The following FOCAD variants were observed in gnomAD, a reference collection of about 807,000 sequenced individuals.
FOCAD encodes focadhesin.
A neutral mutation model predicts 225.6 loss-of-function variants in FOCAD; 198 were observed. That is an observed-to-expected ratio of 0.88 (90% CI 0.78 to 0.99). The LOEUF is 0.99. FOCAD is among the 50% of genes least tolerant of loss of function. The pLI is 0.00. For synonymous variants in FOCAD, 897 were observed against 755.0 expected, an observed-to-expected ratio of 1.19 and a Z score of -3.08; for missense variants, 2,713 against 2,123.6, an observed-to-expected ratio of 1.28 and a Z score of -5.46.
chr9:20,850,687 A>G (rs1241599019), intron 15 of FOCAD, among the ~76,000 whole-genome samples: 2 of 151,652 alleles, frequency 1.3e-5, no homozygotes, highest in East Asian at 1.9e-4. Context: ...CTTTTATCAT[A>G]TATGATTTAA....
intron 15 of FOCAD, among the ~76,000 whole-genome samples, chr9:20,833,634 C>G (rs1034329326): frequency 1.2e-4 from 18 of 152,002 alleles, no homozygotes; most frequent in Non-Finnish European, 4.4e-5. Context: ...CTGCCTGACC[C>G]AAGTAGTCCT....
chr9:20,656,082 C>T (rs576551692), upstream of FOCAD, among the ~76,000 whole-genome samples: 44 of 150,326 alleles, frequency 2.9e-4, no homozygotes, highest in African/African-American at 8.3e-4. Context: ...TGTAGTTGAG[C>T]GGTTTTGAGT....
At chr9:20,663,898 GTTTC>G (rs1018929948) in intron 2 of FOCAD, among the ~76,000 whole-genome samples, 37 of 152,208 alleles carry the variant, frequency 2.4e-4, no homozygotes, top group African/African-American at 8.7e-4. Flanking sequence ...TAGGGATTAT[GTTTC>G]TTTCTATTCT....
At position 20,823,122 on chromosome 9, in the gene FOCAD, AT is replaced by A; in HGVS notation, c.1920+12del. ...TGCACTCTGTCAAGCTGAGGTAGGC[AT>A]TTTTAAATTGCTTTGGATAATTTTG... On this transcript the variant is annotated splice_region_variant and intron_variant, in intron 15 of 43. Coordinates refer to ENST00000338382, the MANE Select transcript of FOCAD (RefSeq NM_001375567.1). 6.2e-7 allele frequency: 1 copy of A among 1,602,946 alleles called. No individual in the cohort carries two copies. The highest frequency in any genetic ancestry group is 8.5e-7 in the Non-Finnish European group (1 of 1,175,850).
intron 6 of FOCAD, among the ~76,000 whole-genome samples, chr9:20,764,245 G>C (rs182351448): frequency 9.2e-5 from 14 of 152,070 alleles, no homozygotes; most frequent in Non-Finnish European, 1.9e-4. Flanking sequence ...TGTAATTCTA[G>C]AAAGGTTGTC....
intron 15 of FOCAD, among the ~76,000 whole-genome samples, chr9:20,856,211 A>G (rs1828165059): frequency 6.6e-6 from 1 of 151,948 alleles, no homozygotes; most frequent in Non-Finnish European, 1.5e-5. Flanking sequence ...TTACATTCCT[A>G]CCAACAGTGT....
intron 11 of FOCAD, among the ~76,000 whole-genome samples, chr9:20,792,240 G>T (rs531914696): frequency 6.6e-6 from 1 of 152,150 alleles, no homozygotes; most frequent in Non-Finnish European, 1.5e-5. Flanking sequence ...AAATACTTAG[G>T]TATCTGAACT....
In FOCAD at chr9:20,882,008, A is replaced by C; in HGVS notation, c.2455A>C (p.Lys819Gln). 6.2e-7 allele frequency: 1 copy of C among 1,613,938 alleles called. No homozygotes were observed. The highest frequency in any genetic ancestry group is 8.5e-7 in the Non-Finnish European group (1 of 1,179,866). The change falls in exon 20 of 44, where the codon AAA becomes CAA. Residue 819 changes from lysine (K) to glutamine (Q), a missense_variant. Physicochemically the swap from Lys to Gln is moderately conservative, Grantham distance 53 (BLOSUM62 1). Coordinates refer to ENST00000338382, the MANE Select transcript of FOCAD (RefSeq NM_001375567.1). ...TVAGIPNFILKMYETNKQPGL... is the reference protein window; with the variant it reads ...TVAGIPNFILQMYETNKQPGL... The stretch of plus-strand genomic sequence containing the variant: ...AGCAGGAATCCCCAATTTTATATTG[A>C]AAATGTATGAAACAAACAAGCAACC...
intron 11 of FOCAD, among the ~76,000 whole-genome samples, chr9:20,793,227 G>A (rs1820719069): frequency 6.6e-6 from 1 of 152,176 alleles, no homozygotes; most frequent in African/African-American, 2.4e-5. Context: ...GAGCCTGCCA[G>A]CATGAAGCAA....
At chr9:20,690,243 T>G (rs1822893969) in intron 1 of FOCAD, among the ~76,000 whole-genome samples, 1 of 152,202 alleles carries the variant, frequency 6.6e-6, no homozygotes, top group African/African-American at 2.4e-5. Flanking sequence ...CCTTTTACCT[T>G]CCGAAGGATT....
chr9:20,669,367 G>C (rs1478047112), intron 2 of FOCAD, among the ~76,000 whole-genome samples: 1 of 152,168 alleles, frequency 6.6e-6, no homozygotes, highest in Admixed American at 6.5e-5. Flanking sequence ...AGAAGCCTGA[G>C]AAGCACTTGG....
chr9:20,754,299 A>G (rs532266540), intron 5 of FOCAD, among the ~76,000 whole-genome samples: 4 of 152,214 alleles, frequency 2.6e-5, no homozygotes, highest in African/African-American at 4.8e-5. Context: ...TTTTTTAAGT[A>G]GGAAAATAAC....
At chr9:20,871,203 C>CAA (rs557520356) in intron 18 of FOCAD, among the ~76,000 whole-genome samples, 4 of 143,344 alleles carry the variant, frequency 2.8e-5, no homozygotes, top group African/African-American at 1.0e-4. Context: ...GACTCTGTCT[C>CAA]AAAAAAAAAA....
intron 1 of FOCAD, among the ~76,000 whole-genome samples, chr9:20,700,140 C>CT (rs914598437): frequency 0.013 from 1,887 of 147,154 alleles, 39 homozygotes; most frequent in African/African-American, 0.044. Context: ...GTAAATGTTC[C>CT]TTTTTTTTTT....
intron 11 of FOCAD, among the ~76,000 whole-genome samples, chr9:20,816,630 T>A (rs1453406364): frequency 6.6e-6 from 1 of 152,128 alleles, no homozygotes; most frequent in African/African-American, 2.4e-5. Context: ...TATTTTTTCC[T>A]TTTTGAAATT....
At chr9:20,857,133 T>C (rs1828266260) in intron 15 of FOCAD, among the ~76,000 whole-genome samples, 1 of 152,106 alleles carries the variant, frequency 6.6e-6, no homozygotes, top group African/African-American at 2.4e-5. Context: ...AGAATGTAAT[T>C]GTTATTTTGA....
chr9:20,971,292 A>G (rs913631538), intron 35 of FOCAD, among the ~76,000 whole-genome samples: 4 of 152,206 alleles, frequency 2.6e-5, no homozygotes, highest in Non-Finnish European at 5.9e-5. Flanking sequence ...AAAATCAAAA[A>G]TTAAAATAAC....
chr9:20,934,123 A>G (rs975078346), intron 28 of FOCAD, among the ~76,000 whole-genome samples: 2 of 151,934 alleles, frequency 1.3e-5, no homozygotes, highest in Non-Finnish European at 2.9e-5. Flanking sequence ...TGTCAGTTGT[A>G]TATAGATTGT....
At position 20,698,418 on chromosome 9, in the gene FOCAD, G is replaced by C. The variant is rs906394910; in HGVS notation, c.-33+14125G>C. ...TATATGTGTATTTATTTTTATTTTT[G>C]AGATAGAGTCTTGCTCTATGACCCA... is the stretch of plus-strand genomic sequence containing the variant. On this transcript the variant is annotated intron_variant, in intron 1 of 43. Transcript: ENST00000338382. Among the ~76,000 whole-genome samples, 35 of 151,658 alleles carry C rather than the reference G, an allele frequency of 2.3e-4. 1 individual carries two copies. The highest frequency in any genetic ancestry group is 8.5e-4 in the African/African-American group (35 of 41,326).
Sources: allele counts gnomAD v4.1 joint callset (sites outside exome capture counted in the v4.1 genomes callset), GRCh38; gene constraint gnomAD v4.1.1; transcripts MANE v1.5; gene names NCBI Gene and HGNC (gene_info 2026-07-23, HGNC 2026-07-21).